The following RIN2 variants were observed in gnomAD, a reference collection of about 807,000 sequenced individuals.
The protein encoded by RIN2 is RAB5 interacting protein 2.
In RIN2, 36 loss-of-function variants were observed where a neutral mutation model predicts 78.0. The ratio of observed to expected loss-of-function variants is 0.46; its 90% CI spans 0.35 to 0.61. RIN2 has a LOEUF of 0.61. Among genes scored for constraint, RIN2 ranks in the 20% least tolerant of loss-of-function variants. The pLI is 0.00. For synonymous variants in RIN2, 466 were observed against 466.8 expected (o/e 1.00, Z 0.02); for missense variants, 1,087 against 1,159.7 (o/e 0.94, Z 0.91).
At chr20:19,981,964 T>C (rs1192230162) in intron 9 of RIN2, among the ~76,000 whole-genome samples, 1 of 152,168 alleles carries the variant, frequency 6.6e-6, no homozygotes, top group Non-Finnish European at 1.5e-5. Flanking sequence ...AGAAGAAACA[T>C]AATTCCATGT....
Position 19,975,773 on chromosome 20 carries a change from C to A in RIN2, c.1748C>A (p.Pro583His). 6.2e-7 allele frequency: 1 copy of A among 1,610,290 alleles called. No individual in the cohort carries two copies. Among genetic ancestry groups the A allele is most frequent in the East Asian group, 2.2e-5 (1 of 44,726 alleles). Residue 583 changes from proline (P) to histidine (H), a missense_variant, in exon 9 of 13, where the codon CCT becomes CAT. Physicochemically the swap from Pro to His is moderately conservative, Grantham distance 77. This residue lies in a region of RIN2 where 39 missense variants were observed against 34.9 expected (regional missense o/e 1.12). Transcript: ENST00000255006. This position sits in a 1 kb window ranked among gnomAD's most constrained non-coding sequence, Gnocchi z 4.9. Reference protein sequence around the residue: ...ELDPPIESLIPEDQIDVVLEK... With the variant: ...ELDPPIESLIHEDQIDVVLEK... ...GACCCCCCCATCGAGTCGCTGATCC[C>A]TGAAGACCAAATAGGTAAGTACCCT...
chr20:19,854,433 TGATGG>T (rs1203828311), intron 2 of RIN2, among the ~76,000 whole-genome samples: 1 of 152,258 alleles, frequency 6.6e-6, no homozygotes, highest in African/African-American at 2.4e-5. Flanking sequence ...ATTGGTAGCT[TGATGG>T]GGATGGCATT....
At chr20:19,939,580 G>A (rs1166764321) in intron 4 of RIN2, among the ~76,000 whole-genome samples, 5 of 152,152 alleles carry the variant, frequency 3.3e-5, no homozygotes, top group Admixed American at 6.5e-5. Flanking sequence ...GACTCTATAA[G>A]ATGTGACACC....
chr20:19,904,260 T>A (rs958381505), intron 3 of RIN2, among the ~76,000 whole-genome samples: 45 of 145,398 alleles, frequency 3.1e-4, no homozygotes, highest in African/African-American at 7.8e-4. Flanking sequence ...TATATATATA[T>A]AAAATATATA....
At chr20:19,841,051 C>G (rs1344316707) in intron 2 of RIN2, among the ~76,000 whole-genome samples, 1 of 152,044 alleles carries the variant, frequency 6.6e-6, no homozygotes, top group African/African-American at 2.4e-5. Flanking sequence ...TTTTCAATCC[C>G]TCGTTAACTA....
rs532796647 is a variant in RIN2 at position 19,858,568 on chromosome 20, G to C, written c.-36-30998G>C. On this transcript the variant is annotated intron_variant, in intron 2 of 12. Transcript: ENST00000255006. ...TGCCTAGAAACATGAAAAAGTTAAT[G>C]AAGTTCGTGTTTTAAGGACATCGTG... 4.9e-4 allele frequency among the ~76,000 whole-genome samples: 75 copies of C among 152,262 alleles called. 1 individual carries two copies. Among genetic ancestry groups the C allele is most frequent in the African/African-American group, 1.7e-3 (71 of 41,550 alleles).
At chr20:19,854,872 T>C (rs909334049) in intron 2 of RIN2, among the ~76,000 whole-genome samples, 5 of 152,214 alleles carry the variant, frequency 3.3e-5, no homozygotes, top group African/African-American at 1.2e-4. Flanking sequence ...TACCCTTTAT[T>C]TCTTTCTCCT....
intron 2 of RIN2, among the ~76,000 whole-genome samples, chr20:19,817,110 A>G (rs2122861805): frequency 6.6e-6 from 1 of 152,342 alleles, no homozygotes; most frequent in South Asian, 2.1e-4. Context: ...TGGGGAATCA[A>G]CAGTCTAAAA....
Position 19,992,201 on chromosome 20 carries a change from T to C in RIN2, c.2102T>C (p.Val701Ala), listed in dbSNP as rs1218800393. 2 of 1,612,648 alleles carry C rather than the reference T, an allele frequency of 1.2e-6. No individual in the cohort carries two copies. Among genetic ancestry groups the C allele is most frequent in the South Asian group, 1.1e-5 (1 of 90,474 alleles). The change falls in exon 11 of 13, where the codon GTC becomes GCC. Residue 701 changes from valine to alanine, a missense_variant. Around this residue, in one of 8 missense-constraint regions of RIN2, gnomAD observed 45 missense variants for 88.1 expected, o/e 0.51. Transcript: ENST00000255006. Reference protein sequence around the residue: ...RMYGADDFLPVLTYVIAQCDM... With the variant: ...RMYGADDFLPALTYVIAQCDM... ...TATGGCGCTGATGACTTCTTGCCAG[T>C]CCTGACCTATGTCATAGCCCAGTGT...
intron 3 of RIN2, among the ~76,000 whole-genome samples, chr20:19,902,619 G>C (rs1056961420): frequency 2.0e-5 from 3 of 152,126 alleles, no homozygotes; most frequent in Non-Finnish European, 4.4e-5. Context: ...GAGGGAGCTG[G>C]GGGAGCTCAT....
intron 2 of RIN2, among the ~76,000 whole-genome samples, chr20:19,857,827 A>G (rs2037213143): frequency 6.6e-6 from 1 of 152,098 alleles, no homozygotes; most frequent in Admixed American, 6.5e-5. Context: ...CTCTAATAAT[A>G]ATAATAATAA....
At chr20:19,872,652 C>T (rs1257956413) in intron 2 of RIN2, among the ~76,000 whole-genome samples, 1 of 152,170 alleles carries the variant, frequency 6.6e-6, no homozygotes, top group Non-Finnish European at 1.5e-5. Context: ...ATCTGCACTC[C>T]CCTGCAGCAT....
At chr20:19,963,394 G>A (rs910678846) in intron 6 of RIN2, among the ~76,000 whole-genome samples, 6 of 152,126 alleles carry the variant, frequency 3.9e-5, no homozygotes, top group East Asian at 1.9e-4. Flanking sequence ...TGGGCGGATC[G>A]CCTGAGGTCA....
intron 9 of RIN2, among the ~76,000 whole-genome samples, chr20:19,980,666 G>A (rs1424477566): frequency 6.6e-6 from 1 of 152,170 alleles, no homozygotes; most frequent in African/African-American, 2.4e-5. Flanking sequence ...AATGCTGCAC[G>A]AATTGTGTGG....
chr20:19,794,375 G>A (rs995356622), intron 1 of RIN2, among the ~76,000 whole-genome samples: 1 of 152,032 alleles, frequency 6.6e-6, no homozygotes, highest in African/African-American at 2.4e-5. Flanking sequence ...GGCCAACATG[G>A]CGAAACCCCA....
chr20:19,994,227 G>A (rs1212967972), intron 11 of RIN2, among the ~76,000 whole-genome samples: 1 of 152,208 alleles, frequency 6.6e-6, no homozygotes, highest in Admixed American at 6.5e-5. Flanking sequence ...TGGGAAGTAG[G>A]CGGCCCAGTT....
Position 19,990,259 on chromosome 20 carries a change from G to T in RIN2, c.2016G>T (p.Met672Ile). 1 of 1,613,066 alleles carries T rather than the reference G, an allele frequency of 6.2e-7. No homozygotes were observed. ...QKMYSPEKKV[M>I]LLLRVCKLIY... ...TGTATTCGCCGGAAAAGAAGGTCAT[G>T]CTGCTGCTGCGGGTCTGCAAGCTCA... is the stretch of plus-strand genomic sequence containing the variant. The change falls in exon 10 of 13, where the codon ATG becomes ATT. Residue 672 changes from methionine to isoleucine, a missense_variant. This residue lies in a region of RIN2 where 97 missense variants were observed against 104.8 expected (regional missense o/e 0.93). Transcript: ENST00000255006.
chr20:19,989,574 C>T (rs1307889800), intron 9 of RIN2, among the ~76,000 whole-genome samples: 1 of 152,128 alleles, frequency 6.6e-6, no homozygotes, highest in East Asian at 1.9e-4. Flanking sequence ...CCACGCCTGG[C>T]CCTCAGAAAA....
intron 3 of RIN2, among the ~76,000 whole-genome samples, chr20:19,934,040 C>T (rs1038334867): frequency 3.3e-5 from 5 of 152,078 alleles, no homozygotes; most frequent in Admixed American, 6.5e-5. Context: ...GAACTCCTGA[C>T]CTCAAGTGAT....
Sources: allele counts gnomAD v4.1 joint callset (sites outside exome capture counted in the v4.1 genomes callset), GRCh38; gene constraint gnomAD v4.1.1; regional missense constraint gnomAD v4.1.1; non-coding constraint Gnocchi (gnomAD v3.1); transcripts MANE v1.5; gene names NCBI Gene and HGNC (gene_info 2026-07-23, HGNC 2026-07-21).